Variants in PPM1D observed in about 807,000 individuals in gnomAD.
PPM1D encodes protein phosphatase 1D.
Under a neutral mutation model 58.3 loss-of-function variants are expected in PPM1D, and 52 were observed. That is an observed-to-expected ratio of 0.89 (90% confidence interval 0.71 to 1.12). The LOEUF (loss-of-function observed/expected upper bound fraction) is 1.12, where lower values mean the gene tolerates loss of function less well. Ranked by LOEUF, PPM1D falls within the 50% of genes most tolerant of loss-of-function variation. The pLI, the probability that PPM1D is intolerant of heterozygous loss-of-function variation, is 0.00. For missense variants in PPM1D, 564 were observed against 777.2 expected (o/e 0.73, Z 3.26); for synonymous variants, 278 against 285.1 (o/e 0.98, Z 0.25).
intron 3 of PPM1D, among the ~76,000 whole-genome samples, chr17:60,635,708 A>G (rs1458438257): frequency 6.6e-6 from 1 of 152,088 alleles, no homozygotes; most frequent in Non-Finnish European, 1.5e-5. Context: ...CCTAGGCCTC[A>G]CTCATCCAAG....
chr17:60,638,371 A>ATT (rs879709638), intron 3 of PPM1D, among the ~76,000 whole-genome samples: 1 of 146,906 alleles, frequency 6.8e-6, no homozygotes. Flanking sequence ...ACTTGGAAAA[A>ATT]TTTTTTTTTT....
intron 2 of PPM1D, among the ~76,000 whole-genome samples, chr17:60,625,108 C>T (rs536427909): frequency 3.4e-4 from 51 of 152,208 alleles, no homozygotes; most frequent in Non-Finnish European, 5.4e-4. Flanking sequence ...CGCCACTGCA[C>T]TCCAGCCTGG....
chr17:60,623,033 G>A (rs549395865), intron 1 of PPM1D, among the ~76,000 whole-genome samples: 11 of 152,234 alleles, frequency 7.2e-5, no homozygotes, highest in African/African-American at 2.6e-4. Flanking sequence ...GGAGGCAGAG[G>A]TTGCACTCCA....
intron 3 of PPM1D, among the ~76,000 whole-genome samples, chr17:60,634,407 A>G (rs1369283783): frequency 2.0e-5 from 3 of 152,208 alleles, no homozygotes; most frequent in Admixed American, 1.3e-4. Context: ...TCTAAAAAAA[A>G]GCCTAATTGA....
chr17:60,611,638 C>G (rs2030457825), intron 1 of PPM1D, among the ~76,000 whole-genome samples: 1 of 151,988 alleles, frequency 6.6e-6, no homozygotes, highest in African/African-American at 2.4e-5. Flanking sequence ...AAGCTGGTCT[C>G]AAACTCCTGG....
intron 3 of PPM1D, 103 bp downstream of exon 3, chr17:60,634,080 A>G: frequency 1.5e-6 from 2 of 1,330,182 alleles, no homozygotes; most frequent in East Asian, 4.8e-5. Flanking sequence ...GCATATAGTG[A>G]GGGTAGAGAT....
chr17:60,650,769 A>G (rs1469105260), intron 4 of PPM1D, among the ~76,000 whole-genome samples: 2 of 152,096 alleles, frequency 1.3e-5, no homozygotes, highest in African/African-American at 2.4e-5. Flanking sequence ...TGGTTCATCT[A>G]GATAGATATC....
rs1032723343 is a variant in PPM1D, at chr17:60,600,251, G to C, written c.-164G>C. The stretch of plus-strand genomic sequence containing the variant: ...TCCGGCGCTCCGGCCCAGCTCTCGC[G>C]GACAAGTCCAGACATCGCGCGCCCC... On this transcript the variant is annotated 5_prime_UTR_variant, in exon 1 of 6. Transcript: ENST00000305921. 1.3e-5 allele frequency: 17 copies of C among 1,350,176 alleles called. No homozygotes were observed. The highest frequency in any genetic ancestry group is 2.9e-5 in the Admixed American group (1 of 34,436). 83.6% of individuals were successfully genotyped at this position (1,350,176 alleles called of 1,614,324 possible).
intron 4 of PPM1D, among the ~76,000 whole-genome samples, chr17:60,655,347 CTTG>C (rs373634562): frequency 0.01 from 1,527 of 152,096 alleles, 18 homozygotes; most frequent in African/African-American, 0.032. Context: ...ATGTTTACTT[CTTG>C]TTGTTGTTGT....
At chr17:60,646,155 G>T (rs2031247631) in intron 3 of PPM1D, among the ~76,000 whole-genome samples, 1 of 152,120 alleles carries the variant, frequency 6.6e-6, no homozygotes, top group Non-Finnish European at 1.5e-5. Context: ...TGTTTTGCTG[G>T]TATAAAGAGG....
intron 5 of PPM1D, among the ~76,000 whole-genome samples, chr17:60,658,917 G>C (rs1044651425): frequency 6.6e-6 from 1 of 152,118 alleles, no homozygotes; most frequent in Non-Finnish European, 1.5e-5. Context: ...CTGAGATCGC[G>C]TTGCAGCACT....
chr17:60,636,566 G>A (rs1229916953), intron 3 of PPM1D, among the ~76,000 whole-genome samples: 1 of 152,216 alleles, frequency 6.6e-6, no homozygotes, highest in East Asian at 1.9e-4. Flanking sequence ...ATGGTCAGAG[G>A]AGGGTCTCGC....
Position 60,663,371 on chromosome 17 carries a change from T to TG in PPM1D, c.1638dup (p.Met547AspfsTer5). 6.2e-7 allele frequency: 1 copy of TG among 1,614,134 alleles called. No homozygotes were observed. Among genetic ancestry groups the TG allele is most frequent in the Non-Finnish European group, 8.5e-7 (1 of 1,180,008 alleles). On this transcript the variant is annotated frameshift_variant, in exon 6 of 6. Coordinates refer to ENST00000305921, the MANE Select transcript of PPM1D (RefSeq NM_003620.4). LOFTEE classifies it high-confidence loss of function. ...TTAGAAGAGTCCAATTCTGGCCCCC[T>TG]GATGAAGAAGCATAGACGAAATGGC...
chr17:60,633,233 T>C (rs2030962466), intron 2 of PPM1D, among the ~76,000 whole-genome samples: 1 of 152,096 alleles, frequency 6.6e-6, no homozygotes, highest in Non-Finnish European at 1.5e-5. Context: ...TGTGGTGAGC[T>C]GAGATCACAC....
chr17:60,640,944 T>G (rs1477817126), intron 3 of PPM1D, among the ~76,000 whole-genome samples: 1 of 152,128 alleles, frequency 6.6e-6, no homozygotes, highest in East Asian at 1.9e-4. Context: ...TTTTTTTTTT[T>G]GTGGCTGTGT....
chr17:60,616,104 C>T (rs893568273), intron 1 of PPM1D, among the ~76,000 whole-genome samples: 1 of 151,930 alleles, frequency 6.6e-6, no homozygotes, highest in African/African-American at 2.4e-5. Flanking sequence ...CTCCCAAGCT[C>T]AAGTGATTCT....
intron 4 of PPM1D, among the ~76,000 whole-genome samples, chr17:60,649,165 C>A (rs1378686568): frequency 6.6e-6 from 1 of 151,968 alleles, no homozygotes; most frequent in Admixed American, 6.6e-5. Flanking sequence ...TTAAGCAGTC[C>A]TCTCACCTCA....
intron 4 of PPM1D, among the ~76,000 whole-genome samples, chr17:60,649,400 C>T (rs1400884543): frequency 6.6e-6 from 1 of 152,074 alleles, no homozygotes; most frequent in Non-Finnish European, 1.5e-5. Flanking sequence ...TAAATTGCCT[C>T]CATTCATTCC....
chr17:60,607,684 TAAAG>T (rs2030360078), intron 1 of PPM1D, among the ~76,000 whole-genome samples: 1 of 152,212 alleles, frequency 6.6e-6, no homozygotes, highest in Non-Finnish European at 1.5e-5. Context: ...TTTGATAGTT[TAAAG>T]AAGATGGTGA....
Sources: allele counts gnomAD v4.1 joint callset (sites outside exome capture counted in the v4.1 genomes callset), GRCh38; gene constraint gnomAD v4.1.1; transcripts MANE v1.5; gene names NCBI Gene and HGNC (gene_info 2026-07-23, HGNC 2026-07-21).